PIGF: variants seen among roughly 807,000 people sequenced by gnomAD.
PIGF encodes GPI ethanolamine phosphate transferase, stabilizing subunit.
PIGF carries 23 observed loss-of-function variants against 26.0 expected under a neutral mutation model. That is an observed-to-expected ratio of 0.88 (90% confidence interval 0.64 to 1.25). PIGF has a LOEUF of 1.25. PIGF is among the 50% of genes most tolerant of loss of function. The pLI, the probability that PIGF is intolerant of heterozygous loss-of-function variation, is 0.00. For synonymous variants in PIGF, 93 were observed against 92.6 expected (o/e 1.00, Z -0.03); for missense variants, 278 against 249.9 (o/e 1.11, Z -0.76).
chr2:46,606,406 A>G (rs1157041922), intron 4 of PIGF, among the ~76,000 whole-genome samples: 2 of 152,130 alleles, frequency 1.3e-5, no homozygotes, highest in African/African-American at 4.8e-5. Context: ...ATCGGTAAAT[A>G]AAGAGTTTTG....
At chr2:46,592,132 G>A (rs1004355060) in intron 5 of PIGF, among the ~76,000 whole-genome samples, 1 of 152,296 alleles carries the variant, frequency 6.6e-6, no homozygotes, top group African/African-American at 2.4e-5. Context: ...CAGGAAGATC[G>A]TTTAGGCCCA....
Position 46,600,576 on chromosome 2 carries a change from C to T in PIGF, c.438-7993G>A, listed in dbSNP as rs148984838. On this transcript the variant is annotated intron_variant, in intron 4 of 5. Coordinates refer to ENST00000281382, the MANE Select transcript of PIGF (RefSeq NM_002643.4). The stretch of plus-strand genomic sequence containing the variant: ...TTAATTAACTATTGATGATCCCATT[C>T]TGTTTCTCAATGATTAGGAAAACTC... Among the ~76,000 whole-genome samples the T allele has an allele frequency of 4.4e-3, 668 of 152,262 alleles. 5 individuals carry two copies. The highest frequency in any genetic ancestry group is 0.016 in the African/African-American group (649 of 41,558).
chr2:46,615,832 T>G (rs928800391), intron 1 of PIGF: 1 of 151,938 alleles, frequency 6.6e-6, no homozygotes, highest in Admixed American at 6.6e-5. Flanking sequence ...CTGTTACAGG[T>G]GTTAAATTCC....
At chr2:46,609,348 T>C (rs1291884638) in intron 4 of PIGF, among the ~76,000 whole-genome samples, 1 of 152,234 alleles carries the variant, frequency 6.6e-6, no homozygotes, top group African/African-American at 2.4e-5. Flanking sequence ...GCTTAGAATG[T>C]TGTACCTGGT....
chr2:46,589,508 G>A lies in PIGF; in HGVS notation c.546+2967C>T, dbSNP rs184946013. Among the ~76,000 whole-genome samples, 6 of 151,968 alleles carry A rather than the reference G, an allele frequency of 3.9e-5. No individual in the cohort carries two copies. Among genetic ancestry groups the A allele is most frequent in the Admixed American group, 3.3e-4 (5 of 15,238 alleles). On this transcript the variant is annotated intron_variant, in intron 5 of 5. Transcript: ENST00000281382. This position sits in a 1 kb window ranked among gnomAD's most constrained non-coding sequence, Gnocchi z 4.7. Reference sequence around the variant, plus strand: ...TTTGTGGGGTTTTGTGTGTGTGTGTGCATGTGTGTGTTTTTAAAGGTACAA... The same window carrying A: ...TTTGTGGGGTTTTGTGTGTGTGTGTACATGTGTGTGTTTTTAAAGGTACAA...
rs572972194 is a variant in PIGF, at chr2:46,586,066, G to A, written c.547-4475C>T. Among the ~76,000 whole-genome samples, 14 of 152,162 alleles carry A rather than the reference G, an allele frequency of 9.2e-5. No individual in the cohort carries two copies. In the South Asian group the frequency reaches 1.9e-3, roughly 20 times the overall value. On this transcript the variant is annotated intron_variant, in intron 5 of 5. Transcript: ENST00000281382. ...TGGGATTACAGGCGTGAGCCACCGC[G>A]CCCAGCCATAAAGCAATCATCTTTA...
chr2:46,612,263 G>C lies in PIGF; in HGVS notation c.402C>G (p.Asn134Lys). 6.9e-7 allele frequency: 1 copy of C among 1,442,548 alleles called. No individual in the cohort carries two copies. Among genetic ancestry groups the C allele is most frequent in the Non-Finnish European group, 9.2e-7 (1 of 1,082,512 alleles). 89.4% of individuals were successfully genotyped at this position (1,442,548 alleles called of 1,614,324 possible). ...TVPCLCLLGP[N>K]LKAWLRVFSR... ...TGAACACTCTTAGCCATGCTTTGAG[G>C]TTTGGTCCTAACAAACATAAGCAAG... Residue 134 changes from asparagine (N) to lysine (K), a missense_variant, in exon 4 of 6, where the codon AAC becomes AAG. By Grantham distance (94) the Asn-to-Lys change is moderately conservative. Coordinates refer to ENST00000281382, the MANE Select transcript of PIGF (RefSeq NM_002643.4).
chr2:46,594,567 CTGT>C (rs1171272991), intron 4 of PIGF, among the ~76,000 whole-genome samples: 1 of 149,394 alleles, frequency 6.7e-6, no homozygotes, highest in Non-Finnish European at 1.5e-5. Flanking sequence ...CGGAGTTTCG[CTGT>C]TGTTGCCCAG....
rs866246242 is a variant in PIGF, at chr2:46,598,820, C to T, written c.438-6237G>A. Among the ~76,000 whole-genome samples, 95 of 152,102 alleles carry T rather than the reference C, an allele frequency of 6.2e-4. 1 individual carries two copies. Among genetic ancestry groups the T allele is most frequent in the Non-Finnish European group, 2.8e-4 (19 of 68,032 alleles). On this transcript the variant is annotated intron_variant, in intron 4 of 5. Coordinates refer to ENST00000281382, the MANE Select transcript of PIGF (RefSeq NM_002643.4). ...CTGAATTATACACTTTGAGTGAATTCTATGGTATACAGTTATATCTCAATA... is the reference window on the plus strand; with the variant it reads ...CTGAATTATACACTTTGAGTGAATTTTATGGTATACAGTTATATCTCAATA...
intron 5 of PIGF, among the ~76,000 whole-genome samples, chr2:46,587,157 TACAA>T (rs1388410111): frequency 1.3e-5 from 2 of 152,218 alleles, no homozygotes; most frequent in Non-Finnish European, 2.9e-5. Context: ...GCTTGAAACA[TACAA>T]ACCATATTCA....
At chr2:46,613,043 A>AAT (rs140332220) in intron 3 of PIGF, among the ~76,000 whole-genome samples, 8,615 of 148,294 alleles carry the variant, frequency 0.058, 394 homozygotes, top group African/African-American at 0.14. Flanking sequence ...ACTATGTATA[A>AAT]ATATATATAT....
intron 4 of PIGF, among the ~76,000 whole-genome samples, chr2:46,595,618 G>C (rs559100566): frequency 6.6e-6 from 1 of 152,240 alleles, no homozygotes; most frequent in Non-Finnish European, 1.5e-5. Flanking sequence ...ATTACACCTA[G>C]GAGTGGAATT....
At chr2:46,593,492 A>T (rs1669786646) in intron 4 of PIGF, among the ~76,000 whole-genome samples, 1 of 152,214 alleles carries the variant, frequency 6.6e-6, no homozygotes, top group African/African-American at 2.4e-5. Flanking sequence ...ACTTGGCAAG[A>T]AACAGGCAGA....
chr2:46,612,531 A>T (rs1670455929), intron 3 of PIGF, among the ~76,000 whole-genome samples, 187 bp from the exon 4 acceptor site: 1 of 152,338 alleles, frequency 6.6e-6, no homozygotes, highest in South Asian at 2.1e-4. Context: ...AAAACAATCT[A>T]GCAAGTATTT....
chr2:46,608,715 C>T (rs1670302448), intron 4 of PIGF, among the ~76,000 whole-genome samples: 1 of 152,110 alleles, frequency 6.6e-6, no homozygotes, highest in Admixed American at 6.5e-5. Context: ...TTGTACATCT[C>T]CAACAGAGCT....
intron 5 of PIGF, among the ~76,000 whole-genome samples, chr2:46,587,897 T>G (rs1019434247): frequency 1.3e-5 from 2 of 152,166 alleles, no homozygotes; most frequent in African/African-American, 4.8e-5. Context: ...GCTATGACCA[T>G]TTTTTAAAAA....
At chr2:46,596,970 C>T (rs192006638) in intron 4 of PIGF, among the ~76,000 whole-genome samples, 7 of 152,302 alleles carry the variant, frequency 4.6e-5, no homozygotes, top group Admixed American at 4.6e-4. Flanking sequence ...AGAACTGCCT[C>T]TTTTTCCCTG....
intron 4 of PIGF, among the ~76,000 whole-genome samples, chr2:46,600,892 T>C (rs1670035483): frequency 6.6e-6 from 1 of 151,958 alleles, no homozygotes; most frequent in Admixed American, 6.6e-5. Context: ...ATGACTAGTT[T>C]AACTATTTTG....
At position 46,589,249 on chromosome 2, in the gene PIGF, T is replaced by C. The variant is rs1669661692; in HGVS notation, c.546+3226A>G. Among the ~76,000 whole-genome samples, 1 of 152,060 alleles carries C rather than the reference T, an allele frequency of 6.6e-6. No homozygotes were observed. Among genetic ancestry groups the C allele is most frequent in the African/African-American group, 2.4e-5 (1 of 41,436 alleles). ...ATGCCTAATCTTTCATCACTTGCCA[T>C]TATTTAAAATCACTTAAGATTTATA... On this transcript the variant is annotated intron_variant, in intron 5 of 5. Transcript: ENST00000281382. This position sits in a 1 kb window ranked among gnomAD's most constrained non-coding sequence, Gnocchi z 4.7.
Sources: allele counts gnomAD v4.1 joint callset (sites outside exome capture counted in the v4.1 genomes callset), GRCh38; gene constraint gnomAD v4.1.1; non-coding constraint Gnocchi (gnomAD v3.1); transcripts MANE v1.5; gene names NCBI Gene and HGNC (gene_info 2026-07-23, HGNC 2026-07-21).